The following UTRN variants were observed in gnomAD, a reference collection of about 807,000 sequenced individuals.
UTRN encodes the protein dystrophin-related protein 1.
UTRN carries 283 observed loss-of-function variants against 463.9 expected under a neutral mutation model. That is an observed-to-expected ratio of 0.61 (90% CI 0.55 to 0.67). The LOEUF (loss-of-function observed/expected upper bound fraction) is 0.67. Ranked by LOEUF, UTRN falls within the 30% of genes least tolerant of loss-of-function variation. The pLI is 0.00. For synonymous variants in UTRN, 1,442 were observed against 1,431.5 expected, an observed-to-expected ratio of 1.01 and a Z score of -0.17; for missense variants, 3,922 against 4,084.3, an observed-to-expected ratio of 0.96 and a Z score of 1.08.
intron 33 of UTRN, among the ~76,000 whole-genome samples, chr6:144,498,827 G>T (rs1243872117): frequency 1.3e-5 from 2 of 151,856 alleles, no homozygotes; most frequent in African/African-American, 4.8e-5. Context: ...CTAATTTTTT[G>T]TATTTTTTAC....
intron 65 of UTRN, among the ~76,000 whole-genome samples, chr6:144,818,574 G>C (rs558952835): frequency 5.3e-5 from 8 of 152,292 alleles, no homozygotes; most frequent in Admixed American, 5.2e-4. Context: ...GTAAAAGCTG[G>C]AGTCCATTGC....
At chr6:144,787,165 T>C (rs1292625936) in intron 61 of UTRN, among the ~76,000 whole-genome samples, 1 of 152,190 alleles carries the variant, frequency 6.6e-6, no homozygotes, top group African/African-American at 2.4e-5. Flanking sequence ...CCTTCTGTTA[T>C]CCTCTGCAAG....
At chr6:144,434,415 A>T (rs867194737) in intron 9 of UTRN, among the ~76,000 whole-genome samples, 14 of 152,124 alleles carry the variant, frequency 9.2e-5, no homozygotes, top group African/African-American at 3.1e-4. Context: ...AATGTGGAAG[A>T]TGAAGGAGAG....
intron 45 of UTRN, among the ~76,000 whole-genome samples, chr6:144,541,058 C>A (rs953838352): frequency 4.6e-5 from 7 of 152,218 alleles, no homozygotes; most frequent in Non-Finnish European, 1.0e-4. Flanking sequence ...CCACTCATCT[C>A]CCCTGCTTCT....
At chr6:144,445,362 A>AAAG (rs1247523991) in intron 14 of UTRN, among the ~76,000 whole-genome samples, 1 of 150,848 alleles carries the variant, frequency 6.6e-6, no homozygotes, top group Non-Finnish European at 1.5e-5. Context: ...AAAAAAAAAA[A>AAAG]AAAAAAAGCA....
At chr6:144,846,901 T>A in intron 74 of UTRN, 74 bp downstream of exon 74, 2 of 1,569,028 alleles carry the variant, frequency 1.3e-6, no homozygotes, top group Admixed American at 3.4e-5. Flanking sequence ...CACGACTGAT[T>A]TTATTCCTAC....
In UTRN at chr6:144,451,403, G is replaced by T. The variant is rs376988001; in HGVS notation, c.2106G>T (p.Trp702Cys). 3.8e-5 allele frequency: 61 copies of T among 1,613,270 alleles called. No homozygotes were observed. The highest frequency in any genetic ancestry group is 4.2e-6 in the Non-Finnish European group (5 of 1,179,814). The change falls in exon 18 of 75, where the codon TGG (tryptophan) becomes TGT (cysteine). Residue 702 changes from tryptophan (W) to cysteine (C), a missense_variant. Physicochemically the swap from Trp to Cys is radical, Grantham distance 215. This residue lies in a region of UTRN where 2,349 missense variants were observed against 2,303.8 expected (regional missense o/e 1.02). Coordinates refer to ENST00000367545, the MANE Select transcript of UTRN (RefSeq NM_007124.3). ...CTATAAGTGCAGAGCTGTTGAACTG[G>T]ATTTTGAAATGGAAAACTGCCATTC... Reference protein sequence around the residue: ...FDAISAELLNWILKWKTAIQT... With the variant: ...FDAISAELLNCILKWKTAIQT...
intron 41 of UTRN, 122 bp downstream of exon 41, chr6:144,523,310 ATTAT>A: frequency 1.2e-6 from 1 of 810,566 alleles, no homozygotes; most frequent in South Asian, 4.3e-5. Flanking sequence ...AGGATGCCCT[ATTAT>A]TTTTTTTTCT....
At chr6:144,458,174 G>C (rs1366965799) in intron 19 of UTRN, among the ~76,000 whole-genome samples, 1 of 152,084 alleles carries the variant, frequency 6.6e-6, no homozygotes. Flanking sequence ...TCAGTCTTTT[G>C]GTATTTGCTT....
chr6:144,343,736 C>G (rs1777328776), intron 2 of UTRN, among the ~76,000 whole-genome samples: 1 of 152,054 alleles, frequency 6.6e-6, no homozygotes, highest in South Asian at 2.1e-4. Context: ...TGTATAACTA[C>G]TATAGTGAAA....
At chr6:144,549,003 A>G in intron 47 of UTRN, 149 bp downstream of exon 47, 1 of 771,816 alleles carries the variant, frequency 1.3e-6, no homozygotes, top group Non-Finnish European at 2.0e-6. Flanking sequence ...AGGGCTAACT[A>G]CAAAGCATAG....
chr6:144,325,649 A>C (rs1456000588), intron 2 of UTRN, among the ~76,000 whole-genome samples: 7 of 152,130 alleles, frequency 4.6e-5, no homozygotes, highest in Non-Finnish European at 1.0e-4. Context: ...TGATTACCTT[A>C]CTTTGAGCCC....
chr6:144,779,419 A>G (rs1446746369), intron 60 of UTRN, among the ~76,000 whole-genome samples: 1 of 152,220 alleles, frequency 6.6e-6, no homozygotes, highest in Non-Finnish European at 1.5e-5. Context: ...CATATTTGAT[A>G]TGCTATGTAA....
chr6:144,600,941 G>A (rs922212340), intron 51 of UTRN, among the ~76,000 whole-genome samples: 9 of 151,994 alleles, frequency 5.9e-5, no homozygotes, highest in African/African-American at 2.2e-4. Flanking sequence ...AAAATCCTAG[G>A]GCCCTTAAGA....
chr6:144,636,928 A>G (rs1052014654), intron 51 of UTRN, among the ~76,000 whole-genome samples: 8 of 151,976 alleles, frequency 5.3e-5, no homozygotes, highest in African/African-American at 1.7e-4. Context: ...CTATTTTGTG[A>G]TGAGGTGGTT....
At chr6:144,435,909 G>C in intron 9 of UTRN, 26 bp from the exon 10 acceptor site, 3 of 1,610,526 alleles carry the variant, frequency 1.9e-6, no homozygotes, top group Non-Finnish European at 2.5e-6. Flanking sequence ...GATTAGTGTG[G>C]GTTTTTCTTG....
intron 3 of UTRN, among the ~76,000 whole-genome samples, chr6:144,419,490 C>T (rs1584708841): frequency 1.3e-5 from 2 of 152,104 alleles, no homozygotes; most frequent in South Asian, 4.1e-4. Context: ...GTTGGCTATA[C>T]CTAATACCTG....
chr6:144,743,890 T>G (rs996783641), intron 54 of UTRN, among the ~76,000 whole-genome samples: 6 of 151,986 alleles, frequency 3.9e-5, no homozygotes, highest in Non-Finnish European at 7.4e-5. Context: ...TAAATAGCTT[T>G]GTAATGCAAT....
At chr6:144,460,589 G>T (rs889671719) in intron 21 of UTRN, among the ~76,000 whole-genome samples, 2 of 152,254 alleles carry the variant, frequency 1.3e-5, no homozygotes, top group Non-Finnish European at 2.9e-5. Context: ...ACAAGGATCA[G>T]TAGGCAGTTT....
Sources: allele counts gnomAD v4.1 joint callset (sites outside exome capture counted in the v4.1 genomes callset), GRCh38; gene constraint gnomAD v4.1.1; regional missense constraint gnomAD v4.1.1; transcripts MANE v1.5; gene names NCBI Gene and HGNC (gene_info 2026-07-23, HGNC 2026-07-21).